The following TSHR variants were observed in gnomAD, a reference collection of about 807,000 sequenced individuals.
The protein encoded by TSHR is thyrotropin receptor.
TSHR carries 51 observed loss-of-function variants against 64.1 expected under a neutral mutation model. The observed-to-expected ratio is 0.80, with a 90% CI of 0.64 to 1.01. The LOEUF is 1.01. Among genes scored for constraint, TSHR ranks in the 50% least tolerant of loss-of-function variants. TSHR has a pLI of 0.00. For missense variants in TSHR, 877 were observed against 942.8 expected, an observed-to-expected ratio of 0.93 and a Z score of 0.91; for synonymous variants, 361 against 361.9, an observed-to-expected ratio of 1.00 and a Z score of 0.03.
intron 1 of TSHR, among the ~76,000 whole-genome samples, chr14:81,022,195 G>A (rs543525912): frequency 6.6e-6 from 1 of 151,658 alleles, no homozygotes; most frequent in Non-Finnish European, 1.5e-5. Flanking sequence ...GCGTGAACAC[G>A]AGAGGCGGAG....
rs549514990 is a variant in TSHR at position 81,109,797 on chromosome 14, C to T, written c.692+1345C>T. Reference sequence around the variant, plus strand: ...GTGATCTTGAAAATCTGCTGTGCCACGTGGGGGTTACTGTTAATTCATGGC... The same window carrying T: ...GTGATCTTGAAAATCTGCTGTGCCATGTGGGGGTTACTGTTAATTCATGGC... On this transcript the variant is annotated intron_variant, in intron 8 of 9. Transcript: ENST00000298171. Among the ~76,000 whole-genome samples, 41 of 88,142 alleles carry T rather than the reference C, an allele frequency of 4.7e-4. 1 individual carries two copies. The South Asian group carries it at 0.014, about 29-fold the overall frequency. 57.8% of individuals were successfully genotyped at this position (88,142 alleles called of 152,430 possible).
chr14:81,004,853 T>G (rs900834508), intron 1 of TSHR, among the ~76,000 whole-genome samples: 1 of 152,192 alleles, frequency 6.6e-6, no homozygotes, highest in Non-Finnish European at 1.5e-5. Flanking sequence ...GCCCCACAGG[T>G]GTTAACAACC....
chr14:80,997,545 C>T (rs1889087991), intron 1 of TSHR, among the ~76,000 whole-genome samples: 1 of 152,156 alleles, frequency 6.6e-6, no homozygotes, highest in African/African-American at 2.4e-5. Flanking sequence ...GGAAGAGACC[C>T]AGCTTTGCCT....
chr14:81,070,321 G>A (rs748181147), intron 3 of TSHR, among the ~76,000 whole-genome samples: 18 of 151,964 alleles, frequency 1.2e-4, no homozygotes, highest in African/African-American at 2.4e-4. Context: ...AACCAAAGAC[G>A]AAAAGAAAAT....
Position 81,035,652 on chromosome 14 carries a change from C to A in TSHR, c.171-26496C>A, listed in dbSNP as rs551330359. 3.5e-4 allele frequency among the ~76,000 whole-genome samples: 54 copies of A among 152,166 alleles called. 1 individual carries two copies. Among genetic ancestry groups the A allele is most frequent in the African/African-American group, 1.2e-3 (51 of 41,504 alleles). On this transcript the variant is annotated intron_variant, in intron 1 of 9. Coordinates refer to ENST00000298171, the MANE Select transcript of TSHR (RefSeq NM_000369.5). ...AAATATTCCATTGTTTATTCCCTACCACATCATTTCCATAATTGGCTGTTG... is the reference window on the plus strand; with the variant it reads ...AAATATTCCATTGTTTATTCCCTACAACATCATTTCCATAATTGGCTGTTG...
intron 2 of TSHR, among the ~76,000 whole-genome samples, chr14:81,065,247 C>G (rs887540369): frequency 6.6e-6 from 1 of 152,110 alleles, no homozygotes; most frequent in African/African-American, 2.4e-5. Context: ...AGGGCACAGG[C>G]AGTTGAAGGT....
intron 3 of TSHR, among the ~76,000 whole-genome samples, chr14:81,071,807 T>C (rs1200973779): frequency 6.6e-6 from 1 of 152,194 alleles, no homozygotes; most frequent in Non-Finnish European, 1.5e-5. Flanking sequence ...GGTGGTGGTA[T>C]CAACATTTTC....
chr14:81,034,348 G>C (rs1162562800), intron 1 of TSHR, among the ~76,000 whole-genome samples: 1 of 152,162 alleles, frequency 6.6e-6, no homozygotes, highest in Non-Finnish European at 1.5e-5. Context: ...GATCTAAGTG[G>C]GGTGCAGTGG....
rs768728005 is a variant in TSHR at position 81,143,845 on chromosome 14, T to A, written c.1787T>A (p.Ile596Asn). Reference protein sequence around the residue: ...VLTLNIVAFVIVCCCYVKIYI... With the variant: ...VLTLNIVAFVNVCCCYVKIYI... ...ACGCTCAACATAGTTGCCTTCGTCA[T>A]CGTCTGCTGCTGTTATGTGAAGATC... The change falls in exon 10 of 10, where the codon ATC (isoleucine) becomes AAC (asparagine). Residue 596 changes from isoleucine to asparagine, a missense_variant. Coordinates refer to ENST00000298171, the MANE Select transcript of TSHR (RefSeq NM_000369.5). 1.9e-6 allele frequency: 3 copies of A among 1,613,928 alleles called. No homozygotes were observed. The highest frequency in any genetic ancestry group is 2.5e-6 in the Non-Finnish European group (3 of 1,180,026).
chr14:81,040,284 C>T (rs1288541230), intron 1 of TSHR, among the ~76,000 whole-genome samples: 1 of 151,800 alleles, frequency 6.6e-6, no homozygotes. Flanking sequence ...TGAAAGTAGA[C>T]CCCGTCTTTC....
In TSHR at chr14:81,087,835, G is replaced by A. The variant is rs1209880853; in HGVS notation, c.318-119G>A. 8.6e-6 allele frequency: 7 copies of A among 816,328 alleles called. No individual in the cohort carries two copies. The African/African-American group carries it at 1.2e-4, about 14-fold the overall frequency. 50.6% of individuals were successfully genotyped at this position (816,328 alleles called of 1,614,324 possible). The stretch of plus-strand genomic sequence containing the variant: ...GCAGCTACAGCCCCTGGGGTACCCT[G>A]TGGCGTAAATGCATATTTTTCTCAT... On this transcript the variant is annotated intron_variant, in intron 3 of 9. Coordinates refer to ENST00000298171, the MANE Select transcript of TSHR (RefSeq NM_000369.5).
intron 1 of TSHR, chr14:80,982,128 C>A: frequency 3.5e-6 from 2 of 568,876 alleles, no homozygotes; most frequent in South Asian, 2.0e-5. Flanking sequence ...AAAAGACAAG[C>A]CAGGGTCTCT....
intron 7 of TSHR, chr14:81,106,938 C>CA (rs5810011): frequency 1.2e-3 from 133 of 109,340 alleles, no homozygotes; most frequent in South Asian, 7.0e-3. Context: ...GACTCCATCT[C>CA]AAAAAAAAAA....
chr14:81,021,918 A>G (rs34074777), intron 1 of TSHR, among the ~76,000 whole-genome samples: 1 of 152,142 alleles, frequency 6.6e-6, no homozygotes, highest in Admixed American at 6.5e-5. Context: ...GACATTACTC[A>G]ATAGTTGGCA....
Position 81,087,986 on chromosome 14 carries a change from T to A in TSHR, c.350T>A (p.Ile117Lys). The change falls in exon 4 of 10, where the codon ATA becomes AAA. Residue 117 changes from isoleucine to lysine, a missense_variant. Ile to Lys is a moderately radical substitution (Grantham distance 102). Transcript: ENST00000298171. Reference protein sequence around the residue: ...EIRNTRNLTYIDPDALKELPL... With the variant: ...EIRNTRNLTYKDPDALKELPL... The stretch of plus-strand genomic sequence containing the variant: ...CGGAATACCAGGAACTTAACTTACA[T>A]AGACCCTGATGCCCTCAAAGAGCTC... 1 of 1,613,980 alleles carries A rather than the reference T, an allele frequency of 6.2e-7. No individual in the cohort carries two copies. Among genetic ancestry groups the A allele is most frequent in the Non-Finnish European group, 8.5e-7 (1 of 1,179,838 alleles).
At chr14:81,072,561 A>C (rs1455243490) in intron 3 of TSHR, among the ~76,000 whole-genome samples, 1 of 152,160 alleles carries the variant, frequency 6.6e-6, no homozygotes, top group Non-Finnish European at 1.5e-5. Context: ...AATTGGAAGA[A>C]ATAGAGAGTT....
intron 2 of TSHR, among the ~76,000 whole-genome samples, chr14:81,062,470 G>T (rs981791601): frequency 6.6e-6 from 1 of 151,738 alleles, no homozygotes; most frequent in African/African-American, 2.4e-5. Flanking sequence ...CATAATTCTC[G>T]ATGTATTTTA....
chr14:80,970,499 C>T (rs1331668098), intron 1 of TSHR, among the ~76,000 whole-genome samples: 3 of 152,212 alleles, frequency 2.0e-5, no homozygotes, highest in East Asian at 1.9e-4. Flanking sequence ...TGCTCCAAAA[C>T]TTTAAGAGCC....
intron 1 of TSHR, chr14:81,052,263 T>G (rs1885476544): frequency 1.3e-5 from 2 of 152,238 alleles, no homozygotes; most frequent in South Asian, 2.1e-4. Context: ...TTTCTGCATG[T>G]GGATAGCCAC....
Sources: gnomAD v4.1 joint callset for allele counts (sites outside exome capture counted in the v4.1 genomes callset) on GRCh38, gnomAD v4.1.1 for gene constraint, MANE v1.5 for transcripts, NCBI Gene and HGNC (gene_info 2026-07-23, HGNC 2026-07-21) for gene names.